Variants in ERG observed in about 807,000 individuals in gnomAD.
ERG encodes transcriptional regulator ERG.
In ERG, 9 loss-of-function variants were observed where a neutral mutation model predicts 55.3. The ratio of observed to expected loss-of-function variants is 0.16; its 90% CI spans 0.10 to 0.28. ERG has a LOEUF of 0.28. Ranked by LOEUF, ERG falls within the 10% of genes least tolerant of loss-of-function variation. The pLI, the probability that ERG is intolerant of heterozygous loss-of-function variation, is 1.00. For missense variants in ERG, 434 were observed against 631.6 expected (o/e 0.69, Z 3.35); for synonymous variants, 223 against 237.3 (o/e 0.94, Z 0.55).
At chr21:38,369,189 C>T in the ERG span, among the ~76,000 whole-genome samples, 21 of 152,302 alleles carry the variant, frequency 1.4e-4, no homozygotes, top group East Asian at 3.5e-3. Context: ...GAGGAATCAC[C>T]ACCCTGTCTT....
At position 38,380,584 on chromosome 21, in the gene ERG, G is replaced by T. The variant is rs1987381648; in HGVS notation, c.*2819C>A. The stretch of plus-strand genomic sequence containing the variant: ...GGACAAACAGAGAGAAAAGGTTCAT[G>T]CAATTATGAATATGACCTGGAGGGG... On this transcript the variant is annotated 3_prime_UTR_variant, in exon 10 of 10. Transcript: ENST00000288319. 9.4e-7 allele frequency: 1 copy of T among 1,065,626 alleles called. No individual in the cohort carries two copies. Among genetic ancestry groups the T allele is most frequent in the Admixed American group, 5.3e-5 (1 of 18,732 alleles). 66.0% of individuals were successfully genotyped at this position (1,065,626 alleles called of 1,614,324 possible). A position where few individuals can be genotyped will look rare whatever the true frequency, so the allele number is the denominator to read the frequency against.
chr21:38,398,159 C>T (rs191952648), intron 6 of ERG, among the ~76,000 whole-genome samples: 2 of 152,288 alleles, frequency 1.3e-5, no homozygotes, highest in East Asian at 3.9e-4. Flanking sequence ...CTCTGGAGCT[C>T]GTTCAGCTCT....
intron 2 of ERG, among the ~76,000 whole-genome samples, chr21:38,520,660 T>C (rs2836457): frequency 0.034 from 5,150 of 152,220 alleles, 177 homozygotes; most frequent in Middle Eastern, 0.11. Flanking sequence ...TACCGCATCA[T>C]TCTAGGGGAC....
chr21:38,579,433 G>A (rs1010784684), intron 1 of ERG, among the ~76,000 whole-genome samples: 4 of 152,192 alleles, frequency 2.6e-5, no homozygotes, highest in Admixed American at 2.6e-4. Context: ...GAAGCGGTCA[G>A]TCCTGAGAGC....
intron 2 of ERG, among the ~76,000 whole-genome samples, chr21:38,533,691 A>T (rs915744613): frequency 5.9e-5 from 9 of 152,138 alleles, no homozygotes; most frequent in Non-Finnish European, 4.4e-5. Flanking sequence ...TGTACATTGC[A>T]ATACCTCATT....
In ERG at chr21:38,603,922, G is replaced by A. The variant is rs749781267; in HGVS notation, c.-149-18977C>T. Among the ~76,000 whole-genome samples the A allele has an allele frequency of 5.3e-5, 8 of 151,470 alleles. No individual in the cohort carries two copies. In the South Asian group the frequency reaches 1.5e-3, roughly 28 times the overall value. ...TTTCCTCCTTTGTTAATGCCTTCACGTATTGGCATCTTGATTTCCTCCTTT... is the reference window on the plus strand; with the variant it reads ...TTTCCTCCTTTGTTAATGCCTTCACATATTGGCATCTTGATTTCCTCCTTT... On this transcript the variant is annotated intron_variant, in intron 1 of 10. Coordinates refer to the ERG transcript ENST00000398910.
chr21:38,593,060 G>A (rs957757977), intron 1 of ERG, among the ~76,000 whole-genome samples: 6 of 152,190 alleles, frequency 3.9e-5, no homozygotes, highest in Non-Finnish European at 1.5e-5. Context: ...GAAACTTTCA[G>A]TTCTTTCTCA....
At chr21:38,595,014 A>G (rs1477038914) in intron 1 of ERG, among the ~76,000 whole-genome samples, 6 of 152,192 alleles carry the variant, frequency 3.9e-5, no homozygotes, top group Middle Eastern at 3.2e-3. Context: ...TCTCAGGCAG[A>G]AGTTCCAGAA....
intron 1 of ERG, chr21:38,448,904 C>T (rs781700640): frequency 6.6e-6 from 1 of 152,252 alleles, no homozygotes; most frequent in Non-Finnish European, 1.5e-5. Flanking sequence ...ATCAGGACCA[C>T]ATGAGTTCTT....
At chr21:38,428,745 T>C (rs1989962869) in intron 2 of ERG, among the ~76,000 whole-genome samples, 1 of 152,176 alleles carries the variant, frequency 6.6e-6, no homozygotes. Flanking sequence ...ATTCAGCAGG[T>C]GCCTGTCAAA....
intron 6 of ERG, among the ~76,000 whole-genome samples, chr21:38,396,434 C>T (rs1250101175): frequency 6.6e-6 from 1 of 152,214 alleles, no homozygotes; most frequent in Admixed American, 6.5e-5. Flanking sequence ...TCTCACTATG[C>T]CTAGCTGTGC....
At chr21:38,590,891 G>C (rs939287626) in intron 1 of ERG, among the ~76,000 whole-genome samples, 12 of 152,336 alleles carry the variant, frequency 7.9e-5, no homozygotes, top group Admixed American at 5.2e-4. Flanking sequence ...AGTGTAGCTT[G>C]GTTGAGCATG....
intron 1 of ERG, among the ~76,000 whole-genome samples, chr21:38,465,471 T>C (rs1336358333): frequency 1.2e-4 from 19 of 152,202 alleles, no homozygotes; most frequent in Non-Finnish European, 1.5e-5. Flanking sequence ...AATCCTATAA[T>C]GTTGGATACA....
chr21:38,503,834 T>G (rs747879793), intron 2 of ERG, among the ~76,000 whole-genome samples: 22 of 152,060 alleles, frequency 1.4e-4, no homozygotes, highest in Non-Finnish European at 2.2e-4. Context: ...CCATGGAACT[T>G]TTCCATCTGC....
chr21:38,498,551 C>A, upstream of ERG: 1 of 1,334,780 alleles, frequency 7.5e-7, no homozygotes, highest in Non-Finnish European at 9.6e-7. This position sits in a 1 kb window ranked among gnomAD's most constrained non-coding sequence, Gnocchi z 4.6. Context: ...GGCTGTCCAG[C>A]CCAAAGAAAC....
chr21:38,425,277 C>T (rs749070355), intron 2 of ERG, among the ~76,000 whole-genome samples: 4 of 151,956 alleles, frequency 2.6e-5, no homozygotes, highest in African/African-American at 2.4e-5. Flanking sequence ...CTCAGCTACT[C>T]GGGAGGCTGA....
At chr21:38,622,952 CACAT>C (rs1298877647) in intron 1 of ERG, among the ~76,000 whole-genome samples, 4 of 3,616 alleles carry the variant, frequency 1.1e-3, no homozygotes, top group South Asian at 0.015. Flanking sequence ...CACACACACA[CACAT>C]CAGCACACAC....
chr21:38,415,146 C>T (rs1989220982), intron 3 of ERG, among the ~76,000 whole-genome samples: 1 of 152,214 alleles, frequency 6.6e-6, no homozygotes, highest in Non-Finnish European at 1.5e-5. Context: ...ACTGTGGAGT[C>T]AGAAAGAACT....
chr21:38,429,235 A>T (rs972506411), intron 2 of ERG, among the ~76,000 whole-genome samples: 3 of 151,826 alleles, frequency 2.0e-5, no homozygotes, highest in African/African-American at 7.3e-5. Context: ...ATGGGTGCAT[A>T]GTATTCCATG....
Sources: allele counts gnomAD v4.1 joint callset (sites outside exome capture counted in the v4.1 genomes callset), GRCh38; gene constraint gnomAD v4.1.1; non-coding constraint Gnocchi (gnomAD v3.1); transcripts MANE v1.5; gene names NCBI Gene and HGNC (gene_info 2026-07-23, HGNC 2026-07-21).